The following LTBP1 variants were observed in gnomAD, a reference collection of about 807,000 sequenced individuals.
LTBP1 encodes the protein latent transforming growth factor beta binding protein 1.
LTBP1 carries 129 observed loss-of-function variants against 207.6 expected under a neutral mutation model. The ratio of observed to expected loss-of-function variants is 0.62; its 90% CI spans 0.54 to 0.72. The LOEUF is 0.72. LTBP1 is among the 30% of genes least tolerant of loss of function. LTBP1 has a pLI of 0.00. For synonymous variants in LTBP1, 963 were observed against 833.7 expected (o/e 1.16, Z -2.67); for missense variants, 2,281 against 2,217.2 (o/e 1.03, Z -0.58).
intron 12 of LTBP1, among the ~76,000 whole-genome samples, 190 bp downstream of exon 12, chr2:33,257,701 G>A (rs973244362): frequency 3.9e-5 from 6 of 152,240 alleles, no homozygotes; most frequent in African/African-American, 1.4e-4. Context: ...AGAATAATAT[G>A]TACCTAGTAG....
chr2:33,326,640 A>AATTAATTTATTTATTTATTT (rs1553502915), intron 24 of LTBP1, among the ~76,000 whole-genome samples: 16 of 144,590 alleles, frequency 1.1e-4, no homozygotes, highest in Admixed American at 7.6e-4. Flanking sequence ...TGAGGGATAT[A>AATTAATTTATTTATTTATTT]ATTTATTTAT....
chr2:33,353,472 C>T (rs2094810686), intron 26 of LTBP1, among the ~76,000 whole-genome samples: 1 of 152,234 alleles, frequency 6.6e-6, no homozygotes, highest in Admixed American at 6.5e-5. Flanking sequence ...AAACAGCTCA[C>T]TGCTGAGCAC....
intron 2 of LTBP1, among the ~76,000 whole-genome samples, chr2:33,001,399 G>A (rs1276715626): frequency 7.4e-6 from 1 of 134,854 alleles, no homozygotes; most frequent in African/African-American, 2.6e-5. Flanking sequence ...GTGAGAACTT[G>A]CATTTCTCGA....
chr2:33,373,519 ACTTCCTTTGAGAAAGGTAG>A (rs1268218278), intron 31 of LTBP1, among the ~76,000 whole-genome samples: 1 of 152,202 alleles, frequency 6.6e-6, no homozygotes, highest in African/African-American at 2.4e-5. Flanking sequence ...TATGTATCCA[ACTTCCTTTGAGAAAGGTAG>A]ACTGTGCTAT....
At chr2:32,998,186 G>A (rs574847872) in intron 2 of LTBP1, among the ~76,000 whole-genome samples, 1 of 152,194 alleles carries the variant, frequency 6.6e-6, no homozygotes, top group African/African-American at 2.4e-5. Flanking sequence ...GTTTTTGAAA[G>A]CTCCCCAAGC....
intron 9 of LTBP1, among the ~76,000 whole-genome samples, chr2:33,223,835 C>T (rs751162028): frequency 2.6e-5 from 4 of 152,070 alleles, no homozygotes; most frequent in Non-Finnish European, 5.9e-5. Context: ...GTGTTTAGCA[C>T]GCAGAAGTAC....
chr2:33,270,459 G>A (rs1302120603), intron 15 of LTBP1, among the ~76,000 whole-genome samples: 3 of 151,754 alleles, frequency 2.0e-5, no homozygotes, highest in East Asian at 2.0e-4. Flanking sequence ...GCGTGGTGGC[G>A]GGTGCCTGTA....
At chr2:33,080,318 A>T (rs988380840) in intron 3 of LTBP1, among the ~76,000 whole-genome samples, 2 of 152,064 alleles carry the variant, frequency 1.3e-5, no homozygotes, top group Non-Finnish European at 2.9e-5. Context: ...ATGAGCCACC[A>T]CGCCCATCCC....
intron 2 of LTBP1, among the ~76,000 whole-genome samples, chr2:32,963,774 C>T (rs1260186310): frequency 1.3e-5 from 2 of 152,148 alleles, no homozygotes; most frequent in Non-Finnish European, 2.9e-5. Context: ...GACTTTCCCA[C>T]ACACCTACCA....
Position 33,397,120 on chromosome 2 carries a change from C to CT in LTBP1, c.4835-10dup. 6.2e-7 allele frequency: 1 copy of CT among 1,612,168 alleles called. No individual in the cohort carries two copies. Among genetic ancestry groups the CT allele is most frequent in the South Asian group, 1.1e-5 (1 of 90,780 alleles). The stretch of plus-strand genomic sequence containing the variant: ...GAGAAGCTCTAACTTAGCTTCTGCC[C>CT]TTTCCTTTCCAGGTTTTCTAAATAG... On this transcript the variant is annotated splice_polypyrimidine_tract_variant and intron_variant, in intron 32 of 33. Transcript: ENST00000404816.
At chr2:33,181,022 C>T (rs114387515) in intron 5 of LTBP1, among the ~76,000 whole-genome samples, 1 of 152,092 alleles carries the variant, frequency 6.6e-6, no homozygotes. Flanking sequence ...AGGACAGATA[C>T]GGGTTTTCCT....
At chr2:33,380,791 A>C (rs1470795754) in intron 31 of LTBP1, among the ~76,000 whole-genome samples, 1 of 152,228 alleles carries the variant, frequency 6.6e-6, no homozygotes, top group Non-Finnish European at 1.5e-5. Flanking sequence ...TCTAAAGTGA[A>C]CAATTTAGTG....
chr2:33,357,814 T>C (rs1328025385), intron 26 of LTBP1, among the ~76,000 whole-genome samples: 1 of 152,226 alleles, frequency 6.6e-6, no homozygotes. Flanking sequence ...ACAGCTAATC[T>C]TACTCAAAAT....
intron 31 of LTBP1, among the ~76,000 whole-genome samples, chr2:33,372,092 G>A (rs1054327403): frequency 6.6e-6 from 1 of 152,260 alleles, no homozygotes; most frequent in South Asian, 2.1e-4. Context: ...AGTGGATAAG[G>A]GAGAATACTA....
In LTBP1 at chr2:33,134,374, A is replaced by C. The variant is rs1160209233; in HGVS notation, c.1034-419A>C. On this transcript the variant is annotated intron_variant, in intron 4 of 33. Transcript: ENST00000404816. The surrounding 1 kb of genome is among the most constrained non-coding windows in gnomAD (Gnocchi z 4.4). ...CAGGGAAAGTATGCAAGTTGAGGAC[A>C]CAAGAGTTTATTCACCGCTAGGTGC... 1 of 478,608 alleles carries C rather than the reference A, an allele frequency of 2.1e-6. No homozygotes were observed. The highest frequency in any genetic ancestry group is 1.6e-5 in the South Asian group (1 of 64,204). 29.6% of individuals were successfully genotyped at this position (478,608 alleles called of 1,614,324 possible). A position where few individuals can be genotyped will look rare whatever the true frequency, so the allele number is the denominator to read the frequency against.
intron 13 of LTBP1, among the ~76,000 whole-genome samples, 182 bp from the exon 14 acceptor site, chr2:33,262,540 C>CTTTTTTTT (rs369761322): frequency 3.0e-5 from 3 of 98,494 alleles, no homozygotes; most frequent in African/African-American, 7.4e-5. Context: ...ATCAAAGGTT[C>CTTTTTTTT]TTTTTTTTTT....
In LTBP1 at chr2:33,398,732, G is replaced by A; in HGVS notation, c.*187G>A. The A allele has an allele frequency of 2.0e-6, 1 of 491,290 alleles. No homozygotes were observed. The highest frequency in any genetic ancestry group is 3.5e-6 in the Non-Finnish European group (1 of 283,370). The allele number at this position is 491,290 out of a possible 1,614,324, so 30.4% of individuals were successfully genotyped here. The stretch of plus-strand genomic sequence containing the variant: ...GCCCGATAGGTGTGGCAGACCAAAT[G>A]GACATTTCTCTAAAAAACCAGTATA... On this transcript the variant is annotated 3_prime_UTR_variant, in exon 34 of 34. Transcript: ENST00000404816.
chr2:33,361,365 T>C, intron 27 of LTBP1, 64 bp from the exon 28 acceptor site: 4 of 1,096,440 alleles, frequency 3.6e-6, no homozygotes, highest in Non-Finnish European at 5.4e-6. Flanking sequence ...CAAAACTGAA[T>C]TTGAAACATG....
At chr2:33,057,732 G>A (rs1164580636) in intron 3 of LTBP1, among the ~76,000 whole-genome samples, 1 of 152,212 alleles carries the variant, frequency 6.6e-6, no homozygotes, top group Admixed American at 6.5e-5. Flanking sequence ...GTGCGGGGCC[G>A]CCAAGCCCAC....
Sources: gnomAD v4.1 joint callset for allele counts (sites outside exome capture counted in the v4.1 genomes callset) on GRCh38, gnomAD v4.1.1 for gene constraint, Gnocchi (gnomAD v3.1) non-coding constraint, MANE v1.5 for transcripts, NCBI Gene and HGNC (gene_info 2026-07-23, HGNC 2026-07-21) for gene names.